ZNF276: variants seen among roughly 807,000 people sequenced by gnomAD.
The protein encoded by ZNF276 is zinc finger protein 276, also known as centromere protein Z.
ZNF276 carries 59 observed loss-of-function variants against 63.9 expected under a neutral mutation model. The ratio of observed to expected loss-of-function variants is 0.92; its 90% confidence interval spans 0.75 to 1.15. The LOEUF is 1.15. Ranked by LOEUF, ZNF276 falls within the 50% of genes most tolerant of loss-of-function variation. The pLI is 0.00. For missense variants in ZNF276, 1,084 were observed against 843.8 expected, an observed-to-expected ratio of 1.28 and a Z score of -3.53; for synonymous variants, 496 against 348.4, an observed-to-expected ratio of 1.42 and a Z score of -4.72.
chr16:89,737,603 CTGA>C (rs1310982024), intron 9 of ZNF276, 200 bp from the exon 10 acceptor site: 1 of 950,962 alleles, frequency 1.1e-6, no homozygotes, highest in Non-Finnish European at 1.5e-6. Flanking sequence ...ATGCACACAG[CTGA>C]TGAAGCCACG....
Position 89,723,122 on chromosome 16 carries a change from A to G in ZNF276, c.510-15A>G, listed in dbSNP as rs201434843. On this transcript the variant is annotated splice_polypyrimidine_tract_variant and intron_variant, in intron 2 of 10. Transcript: ENST00000443381. The stretch of plus-strand genomic sequence containing the variant: ...GCCTGCTTGTCCTGCTCATGGCCAC[A>G]CTGATCCTTTGCAGGGTCGGTGCCC... 1.5e-4 allele frequency: 240 copies of G among 1,613,186 alleles called. No individual in the cohort carries two copies. The highest frequency in any genetic ancestry group is 1.4e-4 in the Non-Finnish European group (170 of 1,180,024).
chr16:89,722,926 C>A, intron 2 of ZNF276, 92 bp downstream of exon 2: 1 of 1,557,032 alleles, frequency 6.4e-7, no homozygotes, highest in Non-Finnish European at 8.6e-7. Flanking sequence ...TCCGCGGGAG[C>A]CTCTGGGTGG....
rs750214492 is a variant in ZNF276, at chr16:89,738,209, C to T, written c.1808C>T (p.Thr603Ile). 1 of 1,610,350 alleles carries T rather than the reference C, an allele frequency of 6.2e-7. No homozygotes were observed. The highest frequency in any genetic ancestry group is 1.1e-5 in the South Asian group (1 of 90,672). ...PPPGPPSPSV[T>I]TEGQAVKPEP... is the part of the protein sequence containing the mutation. Reference sequence around the variant, plus strand: ...CCTGGGCCACCGAGCCCCTCTGTGACCACAGAGGGCCAGGCGGTGAAGCCC... The same window carrying T: ...CCTGGGCCACCGAGCCCCTCTGTGATCACAGAGGGCCAGGCGGTGAAGCCC... The change falls in exon 11 of 11, where the codon ACC (threonine) becomes ATC (isoleucine). Residue 603 changes from threonine (T) to isoleucine (I), a missense_variant. Transcript: ENST00000443381.
rs746064350 is a variant in ZNF276, at chr16:89,723,134, C to T, written c.510-3C>T. 5.0e-6 allele frequency: 8 copies of T among 1,613,226 alleles called. No homozygotes were observed. Among genetic ancestry groups the T allele is most frequent in the Non-Finnish European group, 5.9e-6 (7 of 1,180,032 alleles). Reference sequence around the variant, plus strand: ...TGCTCATGGCCACACTGATCCTTTGCAGGGTCGGTGCCCAGCCCCCAACAG... The same window carrying T: ...TGCTCATGGCCACACTGATCCTTTGTAGGGTCGGTGCCCAGCCCCCAACAG... On this transcript the variant is annotated splice_polypyrimidine_tract_variant and splice_region_variant and intron_variant, in intron 2 of 10. Coordinates refer to ENST00000443381, the MANE Select transcript of ZNF276 (RefSeq NM_001113525.2).
intron 4 of ZNF276, 36 bp downstream of exon 4, chr16:89,723,745 G>A: frequency 6.3e-7 from 1 of 1,584,702 alleles, no homozygotes; most frequent in Non-Finnish European, 8.6e-7. Flanking sequence ...AGACCAGGAT[G>A]TGTGCTCCTC....
intron 9 of ZNF276, among the ~76,000 whole-genome samples, chr16:89,735,915 G>A (rs2061859113): frequency 2.3e-5 from 3 of 132,874 alleles, no homozygotes; most frequent in Admixed American, 1.5e-4. Context: ...TTTTTTGACT[G>A]AGTCTTGCTC....
At chr16:89,722,349 C>T (rs768117929) in intron 1 of ZNF276, among the ~76,000 whole-genome samples, 182 bp from the exon 2 acceptor site, 38 of 152,240 alleles carry the variant, frequency 2.5e-4, no homozygotes, top group Non-Finnish European at 4.1e-4. Context: ...TTTCTTGGAC[C>T]AGCGGCCACA....
At position 89,723,125 on chromosome 16, in the gene ZNF276, G is replaced by C. The variant is rs2061358172; in HGVS notation, c.510-12G>C. On this transcript the variant is annotated splice_polypyrimidine_tract_variant and intron_variant, in intron 2 of 10. Coordinates refer to ENST00000443381, the MANE Select transcript of ZNF276 (RefSeq NM_001113525.2). Reference sequence around the variant, plus strand: ...TGCTTGTCCTGCTCATGGCCACACTGATCCTTTGCAGGGTCGGTGCCCAGC... The same window carrying C: ...TGCTTGTCCTGCTCATGGCCACACTCATCCTTTGCAGGGTCGGTGCCCAGC... 6.2e-7 allele frequency: 1 copy of C among 1,613,110 alleles called. No individual in the cohort carries two copies. The highest frequency in any genetic ancestry group is 1.3e-5 in the African/African-American group (1 of 74,944).
chr16:89,734,919 G>T (rs947064184), intron 9 of ZNF276, among the ~76,000 whole-genome samples: 1 of 152,154 alleles, frequency 6.6e-6, no homozygotes, highest in Non-Finnish European at 1.5e-5. Flanking sequence ...AGCACTTTGG[G>T]AGGCTGAGGT....
chr16:89,721,685 C>A lies in ZNF276; in HGVS notation c.45C>A (p.Ser15=). The change falls in exon 1 of 11, where the codon TCC becomes TCA. Residue 15 remains serine (S), a synonymous_variant. Coordinates refer to ENST00000443381, the MANE Select transcript of ZNF276 (RefSeq NM_001113525.2). ...RLGRFLSPGS[S]RQCGASDGGG... The stretch of plus-strand genomic sequence containing the variant: ...GCCGCTTCCTGTCTCCTGGGTCGTC[C>A]CGACAGTGCGGGGCCTCGGACGGCG... The A allele has an allele frequency of 7.0e-7, 1 of 1,427,210 alleles. No individual in the cohort carries two copies. The highest frequency in any genetic ancestry group is 9.1e-7 in the Non-Finnish European group (1 of 1,094,036). The allele number at this position is 1,427,210 out of a possible 1,614,324, so 88.4% of individuals were successfully genotyped here. A position where few individuals can be genotyped will look rare whatever the true frequency, so the allele number is the denominator to read the frequency against.
intron 4 of ZNF276, among the ~76,000 whole-genome samples, chr16:89,724,222 A>G (rs1339928754): frequency 1.3e-5 from 2 of 152,234 alleles, no homozygotes; most frequent in East Asian, 1.9e-4. Context: ...CCCAGAACCC[A>G]TAGCACTGTG....
rs1405650057 is a variant in ZNF276 at position 89,738,861 on chromosome 16, A to C, written c.*615A>C. ...ATTCTCATGTCCCCCACATGGCCCAAGGTGGGCATCTTGACGTTACCTCTG... is the reference window on the plus strand; with the variant it reads ...ATTCTCATGTCCCCCACATGGCCCACGGTGGGCATCTTGACGTTACCTCTG... On this transcript the variant is annotated 3_prime_UTR_variant, in exon 11 of 11. Transcript: ENST00000443381. The C allele has an allele frequency of 1.9e-6, 3 of 1,614,224 alleles. No homozygotes were observed. The highest frequency in any genetic ancestry group is 2.7e-5 in the African/African-American group (2 of 75,080).
In ZNF276 at chr16:89,733,923, G is replaced by A. The variant is rs1418140212; in HGVS notation, c.1359G>A (p.Lys453=). 1 of 1,613,582 alleles carries A rather than the reference G, an allele frequency of 6.2e-7. No homozygotes were observed. The highest frequency in any genetic ancestry group is 1.3e-5 in the African/African-American group (1 of 74,918). The change falls in exon 9 of 11, where the codon AAG becomes AAA. Residue 453 remains lysine, a splice_region_variant and synonymous_variant. Transcript: ENST00000443381. The stretch of plus-strand genomic sequence containing the variant: ...CTCTCACCGAGTCTCTCCTTCAGAA[G>A]CACATCAAGGAGCACCACGAGGAGG... The part of the protein sequence containing the change: ...AVYRGADGMK[K]HIKEHHEEVR...
At chr16:89,733,592 G>T in intron 8 of ZNF276, 35 bp downstream of exon 8, 1 of 1,609,760 alleles carries the variant, frequency 6.2e-7, no homozygotes, top group Non-Finnish European at 8.5e-7. Flanking sequence ...AGGCCCGGCA[G>T]CTGTCAGTGT....
chr16:89,736,721 GGA>G (rs1362036107), intron 9 of ZNF276, among the ~76,000 whole-genome samples: 1 of 145,128 alleles, frequency 6.9e-6, no homozygotes, highest in Non-Finnish European at 1.5e-5. Flanking sequence ...CTTAAGCCTG[GGA>G]GTTCCAGGCT....
Position 89,723,152 on chromosome 16 carries a change from C to A in ZNF276, c.525C>A (p.Pro175=). Residue 175 remains proline, a synonymous_variant, in exon 3 of 11, where the codon CCC becomes CCA. Transcript: ENST00000443381. Reference sequence around the variant, plus strand: ...TCCTTTGCAGGGTCGGTGCCCAGCCCCCAACAGGGGCAGAGGAGGGAGCGT... The same window carrying A: ...TCCTTTGCAGGGTCGGTGCCCAGCCACCAACAGGGGCAGAGGAGGGAGCGT... ...RKPCAKVGAQ[P]PTGAEEGACL... 1 of 1,613,214 alleles carries A rather than the reference C, an allele frequency of 6.2e-7. No homozygotes were observed. Among genetic ancestry groups the A allele is most frequent in the Non-Finnish European group, 8.5e-7 (1 of 1,180,030 alleles).
At chr16:89,721,890 G>A in intron 1 of ZNF276, 45 bp downstream of exon 1, 1 of 1,171,288 alleles carries the variant, frequency 8.5e-7, no homozygotes, top group Non-Finnish European at 1.1e-6. Flanking sequence ...CGCGGCAGGG[G>A]TTGCTCGTGG....
At chr16:89,721,495 G>C (rs954103899), upstream of ZNF276, 13 of 610,964 alleles carry the variant, frequency 2.1e-5, no homozygotes, top group Admixed American at 4.4e-5. Flanking sequence ...CCCCTGGCCC[G>C]CCCCGCCCGC....
At position 89,723,360 on chromosome 16, in the gene ZNF276, A is replaced by C; in HGVS notation, c.657A>C (p.Thr219=). 2.5e-6 allele frequency: 4 copies of C among 1,613,014 alleles called. No homozygotes were observed. The highest frequency in any genetic ancestry group is 3.4e-6 in the Non-Finnish European group (4 of 1,180,028). ...GGGCCCTGCCCCACCTTCAGAGGAC[A>C]CTGTCCTCCGAGTACTGCGGCGTCA... The part of the protein sequence containing the change: ...SCGALPHLQR[T]LSSEYCGVIQ... The change falls in exon 4 of 11, where the codon ACA becomes ACC. Residue 219 remains threonine, a synonymous_variant. Coordinates refer to ENST00000443381, the MANE Select transcript of ZNF276 (RefSeq NM_001113525.2).
Sources: allele counts gnomAD v4.1 joint callset (sites outside exome capture counted in the v4.1 genomes callset), GRCh38; gene constraint gnomAD v4.1.1; transcripts MANE v1.5; gene names NCBI Gene and HGNC (gene_info 2026-07-23, HGNC 2026-07-21).